The following RNF17 variants were observed in gnomAD, a reference collection of about 807,000 sequenced individuals.
The protein encoded by RNF17 is ring finger protein 17.
RNF17 carries 31 observed loss-of-function variants against 200.5 expected under a neutral mutation model. The ratio of observed to expected loss-of-function variants is 0.15; its 90% CI spans 0.12 to 0.21. RNF17 has a LOEUF of 0.21. RNF17 is among the 10% of genes least tolerant of loss of function. The pLI is 1.00. For missense variants in RNF17, 1,628 were observed against 1,905.1 expected (o/e 0.85, Z 2.71); for synonymous variants, 606 against 637.8 (o/e 0.95, Z 0.75).
intron 13 of RNF17, among the ~76,000 whole-genome samples, chr13:24,801,356 T>G (rs1885226967): frequency 6.6e-6 from 1 of 152,210 alleles, no homozygotes; most frequent in African/African-American, 2.4e-5. Context: ...CATAAAAAGT[T>G]TTTTGGCTGG....
intron 11 of RNF17, among the ~76,000 whole-genome samples, chr13:24,797,098 G>T (rs1020701423): frequency 6.6e-6 from 1 of 152,100 alleles, no homozygotes; most frequent in Non-Finnish European, 1.5e-5. Flanking sequence ...TATGTGAGCT[G>T]GGAACATTAG....
chr13:24,834,119 T>C (rs1358007779), intron 18 of RNF17, among the ~76,000 whole-genome samples: 1 of 151,968 alleles, frequency 6.6e-6, no homozygotes, highest in African/African-American at 2.4e-5. Context: ...TAAAAAAGCT[T>C]TTTAGGCCAG....
At chr13:24,794,428 C>G in intron 10 of RNF17, 2 of 306,312 alleles carry the variant, frequency 6.5e-6, no homozygotes, top group Admixed American at 4.6e-5. Flanking sequence ...AATCCCAGCA[C>G]TTTGTGAGGC....
rs191169227 is a variant in RNF17 at position 24,796,570 on chromosome 13, T to G, written c.1399+275T>G. On this transcript the variant is annotated intron_variant, in intron 11 of 35. Transcript: ENST00000255324. ...TTAAAACTACAAGACCCATGACAGA[T>G]TATATAGCCTGTCCCCTTGTCTCCA... 1.5e-3 allele frequency among the ~76,000 whole-genome samples: 235 copies of G among 152,288 alleles called. 2 individuals are homozygous for G. The highest frequency in any genetic ancestry group is 0.015 in the South Asian group (70 of 4,822).
intron 28 of RNF17, among the ~76,000 whole-genome samples, chr13:24,863,073 G>A (rs1387278060): frequency 6.6e-6 from 1 of 152,100 alleles, no homozygotes; most frequent in East Asian, 1.9e-4. Context: ...TAAATTGTTG[G>A]ACATGTTTAT....
chr13:24,806,799 T>G (rs12021153), intron 15 of RNF17, among the ~76,000 whole-genome samples: 3 of 73,854 alleles, frequency 4.1e-5, no homozygotes, highest in African/African-American at 5.6e-5. Flanking sequence ...CCCTCCCCCC[T>G]CCCCCCACCC....
Position 24,821,904 on chromosome 13 carries a change from G to C in RNF17, c.2092-3715G>C, listed in dbSNP as rs1399397826. The stretch of plus-strand genomic sequence containing the variant: ...TTCTTTGTCATCTCGCACGAAGAAA[G>C]TTAAGGACACGGACACACATGAGGA... On this transcript the variant is annotated intron_variant, in intron 15 of 35. Transcript: ENST00000255324. 2.6e-5 allele frequency among the ~76,000 whole-genome samples: 4 copies of C among 152,152 alleles called. No homozygotes were observed. In the East Asian group the frequency reaches 7.7e-4, roughly 29 times the overall value.
chr13:24,884,527 C>T (rs1487198223), downstream of RNF17: 1 of 1,505,030 alleles, frequency 6.6e-7, no homozygotes, highest in Non-Finnish European at 9.2e-7. Context: ...GCTAATTCTC[C>T]TCCCAACTGC....
At chr13:24,828,094 G>A (rs989514707) in intron 16 of RNF17, among the ~76,000 whole-genome samples, 1 of 152,122 alleles carries the variant, frequency 6.6e-6, no homozygotes, top group African/African-American at 2.4e-5. Context: ...GCAAACAAAA[G>A]CATTTTCATG....
At chr13:24,761,283 A>G (rs1267479725), upstream of RNF17, among the ~76,000 whole-genome samples, 1 of 152,210 alleles carries the variant, frequency 6.6e-6, no homozygotes, top group Non-Finnish European at 1.5e-5. Context: ...GTGTTATTCT[A>G]TTAATCCCAC....
chr13:24,759,276 G>C (rs1479178953), upstream of RNF17, among the ~76,000 whole-genome samples: 2 of 151,946 alleles, frequency 1.3e-5, no homozygotes, highest in Non-Finnish European at 2.9e-5. Context: ...AAGTAAGCTG[G>C]GAGAAAAGCT....
rs1401431223 is a variant in RNF17 at position 24,807,264 on chromosome 13, A to G, written c.2091+2835A>G. On this transcript the variant is annotated intron_variant, in intron 15 of 35. Coordinates refer to ENST00000255324, the MANE Select transcript of RNF17 (RefSeq NM_031277.3). ...GGTTGAACTAGTTTACAGTCCCACCAACAGTGTAAAAGTGTTCCTATTTCT... is the reference window on the plus strand; with the variant it reads ...GGTTGAACTAGTTTACAGTCCCACCGACAGTGTAAAAGTGTTCCTATTTCT... Among the ~76,000 whole-genome samples, 3 of 151,930 alleles carry G rather than the reference A, an allele frequency of 2.0e-5. No homozygotes were observed. In the East Asian group the frequency reaches 5.8e-4, roughly 29 times the overall value.
At chr13:24,834,129 G>A (rs1347325541) in intron 18 of RNF17, among the ~76,000 whole-genome samples, 1 of 152,060 alleles carries the variant, frequency 6.6e-6, no homozygotes, top group Non-Finnish European at 1.5e-5. Flanking sequence ...TTTTAGGCCA[G>A]GTGTGGTGGC....
chr13:24,797,598 T>G (rs981835437), intron 11 of RNF17, among the ~76,000 whole-genome samples: 3 of 152,128 alleles, frequency 2.0e-5, no homozygotes, highest in Non-Finnish European at 4.4e-5. Context: ...TTTTTTCAGG[T>G]ACTCTGGTTT....
At chr13:24,885,125 T>G in the RNF17 span, 2 of 642,916 alleles carry the variant, frequency 3.1e-6, no homozygotes, top group South Asian at 3.7e-5. Flanking sequence ...ATACAGAGAT[T>G]GTATGCCGCC....
At chr13:24,859,844 A>T (rs1892918475) in intron 26 of RNF17, among the ~76,000 whole-genome samples, 1 of 152,030 alleles carries the variant, frequency 6.6e-6, no homozygotes, top group African/African-American at 2.4e-5. Context: ...AGCTTCCTTC[A>T]CATATATGCA....
the RNF17 span, among the ~76,000 whole-genome samples, chr13:24,756,273 T>C: frequency 6.6e-6 from 1 of 152,184 alleles, no homozygotes; most frequent in Non-Finnish European, 1.5e-5. Flanking sequence ...CAAAAAGTAA[T>C]ATATGAATAT....
In RNF17 at chr13:24,809,121, C is replaced by G. The variant is rs1216297987; in HGVS notation, c.2091+4692C>G. Among the ~76,000 whole-genome samples, 10 of 150,702 alleles carry G rather than the reference C, an allele frequency of 6.6e-5. No homozygotes were observed. In the South Asian group the frequency reaches 1.9e-3, roughly 29 times the overall value. On this transcript the variant is annotated intron_variant, in intron 15 of 35. Transcript: ENST00000255324. Reference sequence around the variant, plus strand: ...CTAAAATTCTCTTTTTTGGTTGTGTCTCTGCCCGGCTTTGGTATCAGGATG... The same window carrying G: ...CTAAAATTCTCTTTTTTGGTTGTGTGTCTGCCCGGCTTTGGTATCAGGATG...
the RNF17 span, among the ~76,000 whole-genome samples, chr13:24,748,852 C>T: frequency 2.6e-5 from 4 of 152,086 alleles, no homozygotes; most frequent in African/African-American, 4.8e-5. Flanking sequence ...CGGGTCCAAG[C>T]GATTCTCCTG....
Sources: allele counts gnomAD v4.1 joint callset (sites outside exome capture counted in the v4.1 genomes callset), GRCh38; gene constraint gnomAD v4.1.1; transcripts MANE v1.5; gene names NCBI Gene and HGNC (gene_info 2026-07-23, HGNC 2026-07-21).